Variants in ASCC3 observed in about 807,000 individuals in gnomAD.
ASCC3 encodes activating signal cointegrator 1 complex subunit 3.
Under a neutral mutation model 256.3 loss-of-function variants are expected in ASCC3, and 158 were observed. The ratio of observed to expected loss-of-function variants is 0.62; its 90% CI spans 0.54 to 0.70. ASCC3 has a LOEUF of 0.70. Ranked by LOEUF, ASCC3 falls within the 30% of genes least tolerant of loss-of-function variation. The pLI is 0.00. For synonymous variants in ASCC3, 948 were observed against 883.4 expected (o/e 1.07, Z -1.30); for missense variants, 2,259 against 2,626.0 (o/e 0.86, Z 3.05).
At chr6:100,580,105 A>C (rs1415978768) in intron 36 of ASCC3, among the ~76,000 whole-genome samples, 1 of 152,096 alleles carries the variant, frequency 6.6e-6, no homozygotes, top group Non-Finnish European at 1.5e-5. Flanking sequence ...ATGGGATTGC[A>C]TTCTTGACTT....
chr6:100,766,751 T>C lies in ASCC3; in HGVS notation c.1597-46A>G, dbSNP rs576834735. ...CTTGATTAATGAGCAAAAACTACCA[T>C]GTCATTTGTCTTACAGTAGCCAATA... On this transcript the variant is annotated intron_variant, in intron 9 of 41. Coordinates refer to ENST00000369162, the MANE Select transcript of ASCC3 (RefSeq NM_006828.4). The C allele has an allele frequency of 4.0e-5, 65 of 1,610,862 alleles. No individual in the cohort carries two copies. The East Asian group carries it at 1.5e-3, about 36-fold the overall frequency.
chr6:100,833,216 A>G (rs1407484835), intron 4 of ASCC3, among the ~76,000 whole-genome samples: 2 of 152,300 alleles, frequency 1.3e-5, no homozygotes, highest in Admixed American at 1.3e-4. Flanking sequence ...AAGGCAACAT[A>G]CTATATGATT....
chr6:100,587,738 T>C (rs1771778068), intron 36 of ASCC3, among the ~76,000 whole-genome samples: 1 of 152,196 alleles, frequency 6.6e-6, no homozygotes, highest in Non-Finnish European at 1.5e-5. Context: ...GAACTGACTT[T>C]AATTAACAAA....
chr6:100,719,602 T>C (rs996187070), intron 11 of ASCC3, among the ~76,000 whole-genome samples: 1 of 152,054 alleles, frequency 6.6e-6, no homozygotes, highest in Non-Finnish European at 1.5e-5. Context: ...AATACAGTTA[T>C]TTAATATAGT....
chr6:100,625,902 AT>A (rs201618067), intron 29 of ASCC3, among the ~76,000 whole-genome samples: 2 of 151,232 alleles, frequency 1.3e-5, no homozygotes, highest in African/African-American at 2.4e-5. Context: ...TTTTCCCTCC[AT>A]TTTTTTTTAA....
chr6:100,774,176 G>A (rs975929397), intron 8 of ASCC3, among the ~76,000 whole-genome samples: 1 of 152,092 alleles, frequency 6.6e-6, no homozygotes, highest in Non-Finnish European at 1.5e-5. Flanking sequence ...GATGATTTCT[G>A]AGATAGCGTC....
intron 11 of ASCC3, among the ~76,000 whole-genome samples, chr6:100,721,788 A>T (rs946747627): frequency 8.5e-6 from 1 of 117,524 alleles, no homozygotes; most frequent in African/African-American, 3.0e-5. Context: ...TACTTGTCAA[A>T]TTTTTTGTTG....
chr6:100,580,245 G>A (rs938094603), intron 36 of ASCC3, among the ~76,000 whole-genome samples: 10 of 151,860 alleles, frequency 6.6e-5, no homozygotes, highest in South Asian at 4.1e-4. Context: ...TACATAAAGC[G>A]TAAGAATTCT....
intron 30 of ASCC3, among the ~76,000 whole-genome samples, chr6:100,612,687 C>T (rs1175241489): frequency 6.6e-6 from 1 of 151,782 alleles, no homozygotes; most frequent in African/African-American, 2.4e-5. Context: ...ATGATAAACC[C>T]CATACACTGA....
At chr6:100,822,681 A>G (rs921704512) in intron 4 of ASCC3, among the ~76,000 whole-genome samples, 2 of 152,198 alleles carry the variant, frequency 1.3e-5, no homozygotes, top group Non-Finnish European at 1.5e-5. Flanking sequence ...ATAGATAACT[A>G]CAATACATAC....
intron 8 of ASCC3, among the ~76,000 whole-genome samples, chr6:100,779,829 T>C (rs937328600): frequency 1.3e-5 from 2 of 152,124 alleles, no homozygotes; most frequent in African/African-American, 4.8e-5. Context: ...ATAAACAACT[T>C]AGAAATCAAG....
At chr6:100,657,214 T>C (rs887507096) in intron 16 of ASCC3, among the ~76,000 whole-genome samples, 1 of 151,356 alleles carries the variant, frequency 6.6e-6, no homozygotes, top group Non-Finnish European at 1.5e-5. Flanking sequence ...TATGGGAGAT[T>C]CTGTCTACTA....
At chr6:100,819,580 C>T (rs909460318) in intron 4 of ASCC3, among the ~76,000 whole-genome samples, 3 of 151,968 alleles carry the variant, frequency 2.0e-5, no homozygotes, top group African/African-American at 7.3e-5. Flanking sequence ...CCTGGCAAGC[C>T]ACTGGTGTAA....
chr6:100,820,519 A>G (rs1419283234), intron 4 of ASCC3, among the ~76,000 whole-genome samples: 1 of 152,208 alleles, frequency 6.6e-6, no homozygotes, highest in African/African-American at 2.4e-5. Flanking sequence ...TAAGAGCTAA[A>G]ATGATAAAAC....
chr6:100,770,758 G>T (rs1781880215), intron 8 of ASCC3, among the ~76,000 whole-genome samples: 1 of 151,312 alleles, frequency 6.6e-6, no homozygotes, highest in South Asian at 2.1e-4. Context: ...ATTTCTTAAG[G>T]ATAAATATGA....
At chr6:100,530,551 G>T (rs932111445) in intron 37 of ASCC3, 1 of 784,092 alleles carries the variant, frequency 1.3e-6, no homozygotes, top group African/African-American at 1.7e-5. Context: ...TTCTGTGATG[G>T]CCTGGCACTC....
Position 100,540,267 on chromosome 6 carries a change from C to T in ASCC3, c.5671G>A (p.Ala1891Thr). ...PHSFDSPHTK[A>T]HLLLQAHLSR... ...AGATGTGCCTGTAGCAGGAGATGTG[C>T]TTTGGTGTGAGGGCTGTCAAATGAA... The change falls in exon 37 of 42, where the codon GCA (alanine) becomes ACA (threonine). Residue 1891 changes from alanine (A) to threonine (T), a missense_variant. Ala to Thr is a moderately conservative substitution (Grantham distance 58). Coordinates refer to ENST00000369162, the MANE Select transcript of ASCC3 (RefSeq NM_006828.4). 1 of 1,613,576 alleles carries T rather than the reference C, an allele frequency of 6.2e-7. No individual in the cohort carries two copies. The highest frequency in any genetic ancestry group is 8.5e-7 in the Non-Finnish European group (1 of 1,179,940).
At chr6:100,815,206 G>A (rs750084838) in intron 4 of ASCC3, among the ~76,000 whole-genome samples, 8 of 151,968 alleles carry the variant, frequency 5.3e-5, no homozygotes, top group Non-Finnish European at 1.0e-4. Context: ...TACAGCTAAT[G>A]AGGGAGGTAA....
intron 17 of ASCC3, among the ~76,000 whole-genome samples, chr6:100,654,468 G>A (rs1055843342): frequency 3.9e-5 from 6 of 151,968 alleles, no homozygotes; most frequent in African/African-American, 9.7e-5. Context: ...GGCTTAGTCC[G>A]TAAAAATAAA....
Sources: allele counts gnomAD v4.1 joint callset (sites outside exome capture counted in the v4.1 genomes callset), GRCh38; gene constraint gnomAD v4.1.1; transcripts MANE v1.5; gene names NCBI Gene and HGNC (gene_info 2026-07-23, HGNC 2026-07-21).